The following LRCH2 variants were observed in gnomAD, a reference collection of about 807,000 sequenced individuals.
LRCH2 encodes leucine-rich repeat and calponin homology domain-containing protein 2.
LRCH2 carries 38 observed loss-of-function variants against 68.9 expected under a neutral mutation model. The ratio of observed to expected loss-of-function variants is 0.55; its 90% CI spans 0.43 to 0.72. LRCH2 has a LOEUF of 0.72. LRCH2 is among the 30% of genes least tolerant of loss of function. The pLI, the probability that LRCH2 is intolerant of heterozygous loss-of-function variation, is 0.00. For synonymous variants in LRCH2, 191 were observed against 208.1 expected, an observed-to-expected ratio of 0.92 and a Z score of 0.71; for missense variants, 528 against 572.9, an observed-to-expected ratio of 0.92 and a Z score of 0.80.
chrX:115,130,989 T>TGTTGTA (rs2072239031), intron 14 of LRCH2, among the ~76,000 whole-genome samples: 1 of 111,755 alleles, frequency 8.9e-6, no homozygotes, highest in Non-Finnish European at 1.9e-5. Context: ...ATGACTGCCC[T>TGTTGTA]GTTGTAACAC....
In LRCH2 at chrX:115,113,198, G is replaced by C; in HGVS notation, c.*18C>G. On this transcript the variant is annotated 3_prime_UTR_variant, in exon 21 of 21. Coordinates refer to ENST00000317135, the MANE Select transcript of LRCH2 (RefSeq NM_020871.4). Reference sequence around the variant, plus strand: ...TCAAATAAATGAAACTATACACTTAGAATTTTAAAATGTTATATTAAGCCA... The same window carrying C: ...TCAAATAAATGAAACTATACACTTACAATTTTAAAATGTTATATTAAGCCA... 1.7e-6 allele frequency: 2 copies of C among 1,161,237 alleles called. No homozygotes were observed. The highest frequency in any genetic ancestry group is 2.3e-6 in the Non-Finnish European group (2 of 867,047).
chrX:115,165,536 AT>A, intron 9 of LRCH2, 21 bp downstream of exon 9: 1 of 1,101,353 alleles, frequency 9.1e-7, no homozygotes, highest in Non-Finnish European at 1.2e-6. Flanking sequence ...TGTTATTAAT[AT>A]TTGTTCAAAG....
Position 115,233,962 on chromosome X carries a change from G to T in LRCH2, c.80C>A (p.Thr27Lys), listed in dbSNP as rs1556579444. 1 of 1,024,806 alleles carries T rather than the reference G, an allele frequency of 9.8e-7. No individual in the cohort carries two copies. Among genetic ancestry groups the T allele is most frequent in the Admixed American group, 2.8e-5 (1 of 35,366 alleles). The allele number at this position is 1,024,806 out of a possible 1,213,427, so 84.5% of individuals were successfully genotyped here. Reference sequence around the variant, plus strand: ...AGCCCCGCCACCTCCCCCTCCAGCCGTGCCACAGCCACCGCTACTTCCACC... The same window carrying T: ...AGCCCCGCCACCTCCCCCTCCAGCCTTGCCACAGCCACCGCTACTTCCACC... The part of the protein sequence containing the change: ...GGGGSSGGCG[T>K]AGGGGGGAGG... The change falls in exon 1 of 21, where the codon ACG (threonine) becomes AAG (lysine). Residue 27 changes from threonine to lysine, a missense_variant. Coordinates refer to ENST00000317135, the MANE Select transcript of LRCH2 (RefSeq NM_020871.4).
chrX:115,233,756 T>C lies in LRCH2; in HGVS notation c.286A>G (p.Ser96Gly). 2.5e-6 allele frequency: 3 copies of C among 1,181,336 alleles called. No homozygotes were observed. The highest frequency in any genetic ancestry group is 3.4e-6 in the Non-Finnish European group (3 of 879,390). Residue 96 changes from serine (S) to glycine (G), a missense_variant, in exon 1 of 21, where the codon AGT becomes GGT. By Grantham distance (56) the Ser-to-Gly change is moderately conservative (BLOSUM62 0). Transcript: ENST00000317135. ...EAGSSGILSL[S>G]GRKLRDFPGS... ...GGGAAGTCTCGGAGTTTCCGACCAC[T>C]GAGGCTCAGGATGCCGGAGCTGCCC...
intron 16 of LRCH2, among the ~76,000 whole-genome samples, chrX:115,124,226 C>T (rs966403024): frequency 9.0e-6 from 1 of 111,289 alleles, no homozygotes; most frequent in Non-Finnish European, 1.9e-5. Flanking sequence ...GCTTTAAATA[C>T]TTTCATAGTA....
At chrX:115,192,773 A>G in intron 1 of LRCH2, 1 of 675,723 alleles carries the variant, frequency 1.5e-6, no homozygotes, top group Non-Finnish European at 2.2e-6. Flanking sequence ...TCCTGTTAAG[A>G]TCTCCATTTT....
In LRCH2 at chrX:115,233,688, G is replaced by A; in HGVS notation, c.349+5C>T. On this transcript the variant is annotated splice_donor_5th_base_variant and intron_variant, in intron 1 of 20. Transcript: ENST00000317135. The stretch of plus-strand genomic sequence containing the variant: ...AGCCAGCTTCCCCTCCCCCCGTCCT[G>A]TCACCTGCTTGGGTGGTGTCCGTCA... 2.6e-6 allele frequency: 3 copies of A among 1,137,476 alleles called. No homozygotes were observed. Among genetic ancestry groups the A allele is most frequent in the Non-Finnish European group, 3.5e-6 (3 of 855,678 alleles). The allele number at this position is 1,137,476 out of a possible 1,213,427, so 93.7% of individuals were successfully genotyped here.
At chrX:115,179,381 T>C (rs2147404384) in intron 5 of LRCH2, 46 bp downstream of exon 5, 3 of 1,000,054 alleles carry the variant, frequency 3.0e-6, no homozygotes, top group Non-Finnish European at 3.9e-6. Context: ...CAGATAAAAT[T>C]ATGAATAAAA....
chrX:115,157,414 T>A (rs1196286996), intron 11 of LRCH2, among the ~76,000 whole-genome samples: 1 of 110,087 alleles, frequency 9.1e-6, no homozygotes, highest in Non-Finnish European at 1.9e-5. Flanking sequence ...CAGAAATGGA[T>A]TTTAAATAAA....
At chrX:115,125,798 A>C (rs935225705) in intron 16 of LRCH2, among the ~76,000 whole-genome samples, 253 of 106,318 alleles carry the variant, frequency 2.4e-3, no homozygotes, top group African/African-American at 7.9e-3. Context: ...CTTGTAACTT[A>C]AAGTAAAAGA....
At position 115,190,343 on chromosome X, in the gene LRCH2, G is replaced by A. The variant is rs782148400; in HGVS notation, c.350-1973C>T. 5.7e-4 allele frequency: 665 copies of A among 1,159,104 alleles called. 1 individual carries two copies. Among genetic ancestry groups the A allele is most frequent in the South Asian group, 5.7e-3 (294 of 51,564 alleles). The stretch of plus-strand genomic sequence containing the variant: ...GATCATCCCAGCAAAGGCTCCTACC[G>A]AGAGCCCCTCAAGAGCTACGGAGGC... On this transcript the variant is annotated intron_variant, in intron 1 of 20. Transcript: ENST00000317135.
At chrX:115,229,991 G>A (rs2073142969) in intron 1 of LRCH2, among the ~76,000 whole-genome samples, 1 of 112,252 alleles carries the variant, frequency 8.9e-6, no homozygotes, top group African/African-American at 3.2e-5. Flanking sequence ...CAGGTATAAA[G>A]AAGCAGAGGG....
At chrX:115,165,020 T>G (rs782644308) in intron 10 of LRCH2, among the ~76,000 whole-genome samples, 2 of 110,919 alleles carry the variant, frequency 1.8e-5, no homozygotes, top group African/African-American at 6.5e-5. Flanking sequence ...CAAGAGACAA[T>G]ACATCTGAGT....
At chrX:115,180,882 C>T (rs1432407108) in intron 3 of LRCH2, among the ~76,000 whole-genome samples, 8 of 111,520 alleles carry the variant, frequency 7.2e-5, no homozygotes, top group African/African-American at 2.6e-4. Flanking sequence ...AAATTTCCTG[C>T]TGTCATAGCT....
chrX:115,153,688 G>A (rs1365569673), intron 12 of LRCH2, among the ~76,000 whole-genome samples: 1 of 110,939 alleles, frequency 9.0e-6, no homozygotes, highest in African/African-American at 3.3e-5. Flanking sequence ...CATGACACAC[G>A]AAATGGCATA....
chrX:115,125,797 TAAAGTA>T (rs1331328447), intron 16 of LRCH2, among the ~76,000 whole-genome samples: 9 of 105,923 alleles, frequency 8.5e-5, no homozygotes, highest in African/African-American at 2.7e-4. Context: ...ACTTGTAACT[TAAAGTA>T]AAAGAATTAC....
chrX:115,118,757 C>G (rs1434920743), intron 20 of LRCH2, among the ~76,000 whole-genome samples: 1 of 110,583 alleles, frequency 9.0e-6, no homozygotes, highest in East Asian at 2.8e-4. Flanking sequence ...AACATTGATG[C>G]AAAAATCCTC....
chrX:115,134,666 G>GA (rs1383016656), intron 14 of LRCH2, among the ~76,000 whole-genome samples: 1 of 111,735 alleles, frequency 8.9e-6, no homozygotes, highest in Non-Finnish European at 1.9e-5. Flanking sequence ...ATCGAGCTCA[G>GA]AAAAAAAGAT....
At chrX:115,220,965 A>T (rs896806568) in intron 1 of LRCH2, among the ~76,000 whole-genome samples, 2 of 108,211 alleles carry the variant, frequency 1.8e-5, no homozygotes, top group Non-Finnish European at 3.8e-5. Context: ...AGGCGGGTGG[A>T]TCACGAGGTC....
Sources: allele counts gnomAD v4.1 joint callset (sites outside exome capture counted in the v4.1 genomes callset), GRCh38; gene constraint gnomAD v4.1.1; transcripts MANE v1.5; gene names NCBI Gene and HGNC (gene_info 2026-07-23, HGNC 2026-07-21).